CLNK: variants seen among roughly 807,000 people sequenced by gnomAD.
The protein encoded by CLNK is cytokine dependent hematopoietic cell linker.
In CLNK, 74 loss-of-function variants were observed where a neutral mutation model predicts 68.6. The observed-to-expected ratio is 1.08, with a 90% CI of 0.89 to 1.31. CLNK has a LOEUF of 1.31. CLNK is among the 50% of genes most tolerant of loss of function. CLNK has a pLI of 0.00. For missense variants in CLNK, 553 were observed against 515.3 expected (o/e 1.07, Z -0.71); for synonymous variants, 198 against 172.2 (o/e 1.15, Z -1.17).
chr4:10,528,428 C>A (rs1040434437), intron 12 of CLNK, among the ~76,000 whole-genome samples: 4 of 152,100 alleles, frequency 2.6e-5, no homozygotes, highest in African/African-American at 9.7e-5. Flanking sequence ...GATGAGACTC[C>A]TTTTCTAAGA....
intron 17 of CLNK, among the ~76,000 whole-genome samples, chr4:10,507,490 A>T (rs925526462): frequency 5.3e-5 from 7 of 131,938 alleles, no homozygotes; most frequent in African/African-American, 2.0e-4. Flanking sequence ...TTGAGACAGC[A>T]TCTCACTCTG....
the CLNK span, among the ~76,000 whole-genome samples, chr4:10,721,278 T>G: frequency 7.2e-5 from 11 of 152,128 alleles, no homozygotes; most frequent in South Asian, 1.7e-3. Context: ...ATCGACTGCA[T>G]GCCCTGATGG....
At chr4:10,731,366 G>A in the CLNK span, among the ~76,000 whole-genome samples, 4 of 152,172 alleles carry the variant, frequency 2.6e-5, no homozygotes, top group African/African-American at 4.8e-5. Context: ...GTGGTTCGGG[G>A]CTCCCAGTCC....
intron 2 of CLNK, among the ~76,000 whole-genome samples, chr4:10,634,608 T>A (rs1435112602): frequency 3.9e-5 from 6 of 152,222 alleles, no homozygotes; most frequent in Admixed American, 3.9e-4. Context: ...TTACTCTAAG[T>A]ACTTTCAGTT....
intron 1 of CLNK, among the ~76,000 whole-genome samples, chr4:10,668,720 A>T (rs1327251047): frequency 6.6e-6 from 1 of 152,192 alleles, no homozygotes; most frequent in Non-Finnish European, 1.5e-5. Flanking sequence ...ACACAGAGAC[A>T]GGTCTCTCTT....
At chr4:10,604,480 T>C (rs1721711799) in intron 2 of CLNK, among the ~76,000 whole-genome samples, 1 of 152,208 alleles carries the variant, frequency 6.6e-6, no homozygotes, top group Non-Finnish European at 1.5e-5. Flanking sequence ...AGGAAGGTTC[T>C]GGGGTCATGA....
chr4:10,724,879 CG>C, the CLNK span, among the ~76,000 whole-genome samples: 1 of 152,080 alleles, frequency 6.6e-6, no homozygotes. Flanking sequence ...GGCTTAGTGA[CG>C]GGAGAGAAGA....
intron 17 of CLNK, among the ~76,000 whole-genome samples, chr4:10,506,563 C>G (rs191378557): frequency 6.6e-6 from 1 of 152,302 alleles, no homozygotes; most frequent in African/African-American, 2.4e-5. Context: ...AAAGACCCAA[C>G]AGTACTTTGG....
intron 2 of CLNK, chr4:10,598,686 T>C (rs1721474945): frequency 2.2e-6 from 1 of 446,960 alleles, no homozygotes; most frequent in Non-Finnish European, 4.5e-6. Flanking sequence ...ATTCATTAAA[T>C]ACATTCACTG....
intron 2 of CLNK, among the ~76,000 whole-genome samples, chr4:10,654,937 C>T (rs905876789): frequency 6.6e-5 from 10 of 151,864 alleles, no homozygotes; most frequent in Middle Eastern, 3.4e-3. Flanking sequence ...TCTGTCTCTA[C>T]TAAAAATATA....
intron 1 of CLNK, among the ~76,000 whole-genome samples, chr4:10,680,407 A>G (rs1360563005): frequency 6.6e-6 from 1 of 150,868 alleles, no homozygotes; most frequent in Non-Finnish European, 1.5e-5. Flanking sequence ...TAGGAGGTAT[A>G]CCTAATGCTA....
intron 11 of CLNK, among the ~76,000 whole-genome samples, chr4:10,538,512 G>C (rs949409597): frequency 1.3e-5 from 2 of 152,212 alleles, no homozygotes; most frequent in Non-Finnish European, 2.9e-5. Context: ...ATTTGGCCAG[G>C]AGTTTTAGGA....
intron 17 of CLNK, among the ~76,000 whole-genome samples, chr4:10,505,126 G>T (rs1717238759): frequency 6.6e-6 from 1 of 152,156 alleles, no homozygotes. Context: ...GCACTGATTA[G>T]CCAAGATGGA....
At chr4:10,522,321 C>G (rs991684844) in intron 14 of CLNK, among the ~76,000 whole-genome samples, 1 of 150,406 alleles carries the variant, frequency 6.6e-6, no homozygotes, top group African/African-American at 2.4e-5. Flanking sequence ...CACCTGTAAT[C>G]CCAACACTTT....
chr4:10,720,795 T>C, the CLNK span, among the ~76,000 whole-genome samples: 1 of 151,344 alleles, frequency 6.6e-6, no homozygotes, highest in Non-Finnish European at 1.5e-5. Context: ...GCTTGACAGT[T>C]TCTTAAAAAA....
chr4:10,557,104 T>C (rs935040201), intron 8 of CLNK, among the ~76,000 whole-genome samples: 1 of 151,170 alleles, frequency 6.6e-6, no homozygotes, highest in African/African-American at 2.4e-5. Flanking sequence ...AATAAATAAA[T>C]AAATAAATAA....
chr4:10,620,178 C>G (rs1352344033), intron 2 of CLNK, among the ~76,000 whole-genome samples: 2 of 152,152 alleles, frequency 1.3e-5, no homozygotes, highest in East Asian at 3.8e-4. Context: ...CTCACATCTC[C>G]TCGTTGTGAA....
intron 16 of CLNK, among the ~76,000 whole-genome samples, chr4:10,508,607 A>G (rs984657462): frequency 6.6e-6 from 1 of 152,204 alleles, no homozygotes; most frequent in Non-Finnish European, 1.5e-5. Context: ...GGGAGAAGGA[A>G]GGGCAGTCAG....
intron 2 of CLNK, among the ~76,000 whole-genome samples, chr4:10,618,947 G>C (rs1253698786): frequency 6.6e-6 from 1 of 152,206 alleles, no homozygotes; most frequent in Non-Finnish European, 1.5e-5. Flanking sequence ...TGAAGACACA[G>C]ATCCAAACCA....
Sources: allele counts gnomAD v4.1 joint callset (sites outside exome capture counted in the v4.1 genomes callset), GRCh38; gene constraint gnomAD v4.1.1; transcripts MANE v1.5; gene names NCBI Gene and HGNC (gene_info 2026-07-23, HGNC 2026-07-21).